SCN11A: variants seen among roughly 807,000 people sequenced by gnomAD.
SCN11A encodes sodium voltage-gated channel alpha subunit 11, also known as sodium channel protein type 11 subunit alpha.
In SCN11A, 122 loss-of-function variants were observed where a neutral mutation model predicts 162.2. The ratio of observed to expected loss-of-function variants is 0.75; its 90% CI spans 0.65 to 0.87. SCN11A has a LOEUF of 0.87. Ranked by LOEUF, SCN11A falls within the 40% of genes least tolerant of loss-of-function variation. SCN11A has a pLI of 0.00. For synonymous variants in SCN11A, 758 were observed against 751.5 expected, an observed-to-expected ratio of 1.01 and a Z score of -0.14; for missense variants, 2,015 against 2,181.6, an observed-to-expected ratio of 0.92 and a Z score of 1.52.
chr3:39,007,102 C>G (rs1479618026), intron 2 of SCN11A, among the ~76,000 whole-genome samples: 1 of 151,952 alleles, frequency 6.6e-6, no homozygotes, highest in Admixed American at 6.6e-5. Context: ...ATTAAAAAGA[C>G]CTAGGAAATG....
chr3:38,996,948 T>C (rs574069148), intron 2 of SCN11A, among the ~76,000 whole-genome samples: 1 of 152,170 alleles, frequency 6.6e-6, no homozygotes, highest in African/African-American at 2.4e-5. Context: ...GCCAATCACA[T>C]CTTACTACTT....
At chr3:38,914,339 G>C (rs1486710444) in intron 11 of SCN11A, among the ~76,000 whole-genome samples, 1 of 152,138 alleles carries the variant, frequency 6.6e-6, no homozygotes, top group Non-Finnish European at 1.5e-5. Flanking sequence ...CATTGATTTT[G>C]TGTCTTGAAA....
chr3:38,990,690 T>C (rs986109106), intron 2 of SCN11A, among the ~76,000 whole-genome samples: 2 of 152,130 alleles, frequency 1.3e-5, no homozygotes, highest in Non-Finnish European at 2.9e-5. Context: ...CTTTAACACA[T>C]TCATTCCTCC....
chr3:38,855,788 G>A (rs957885622), intron 28 of SCN11A, among the ~76,000 whole-genome samples: 1 of 152,170 alleles, frequency 6.6e-6, no homozygotes, highest in African/African-American at 2.4e-5. Context: ...TGTATCTACA[G>A]CCAAGGACTC....
intron 15 of SCN11A, 82 bp from the exon 16 acceptor site, chr3:38,904,185 C>T (rs1265728295): frequency 5.9e-6 from 5 of 842,984 alleles, no homozygotes; most frequent in Non-Finnish European, 9.1e-6. Flanking sequence ...TCCTTCCTCC[C>T]TCTTCCCCAG....
At chr3:38,895,010 G>A in intron 18 of SCN11A, 46 bp from the exon 19 acceptor site, 3 of 1,526,936 alleles carry the variant, frequency 2.0e-6, no homozygotes, top group South Asian at 1.3e-5. Context: ...TTTAGCAAAG[G>A]AAAAGATATA....
intron 2 of SCN11A, among the ~76,000 whole-genome samples, chr3:38,970,351 G>A (rs2066809545): frequency 6.6e-6 from 1 of 152,002 alleles, no homozygotes; most frequent in African/African-American, 2.4e-5. Context: ...ATCTCATCAA[G>A]CAATTTACCT....
At chr3:38,930,307 G>C (rs2066221716) in intron 7 of SCN11A, among the ~76,000 whole-genome samples, 1 of 152,200 alleles carries the variant, frequency 6.6e-6, no homozygotes, top group South Asian at 2.1e-4. Context: ...GCTGCTACAG[G>C]CAAGAGCTCC....
At chr3:39,015,060 C>T (rs2031252554) in intron 2 of SCN11A, among the ~76,000 whole-genome samples, 1 of 152,206 alleles carries the variant, frequency 6.6e-6, no homozygotes, top group African/African-American at 2.4e-5. Context: ...TTACTCTCCA[C>T]AACTCATGTT....
chr3:38,943,004 G>A (rs981059922), intron 7 of SCN11A, among the ~76,000 whole-genome samples: 1 of 151,988 alleles, frequency 6.6e-6, no homozygotes. Context: ...ATCCACAAAA[G>A]ATTTTTATAC....
intron 7 of SCN11A, among the ~76,000 whole-genome samples, chr3:38,940,785 C>T (rs1300303031): frequency 2.0e-5 from 3 of 151,916 alleles, no homozygotes; most frequent in Admixed American, 6.6e-5. Flanking sequence ...TCAAAATCCA[C>T]GGGCATAGAG....
In SCN11A at chr3:38,946,622, C is replaced by T. The variant is rs73828725; in HGVS notation, c.386+167G>A. Among the ~76,000 whole-genome samples, 2,428 of 152,296 alleles carry T rather than the reference C, an allele frequency of 0.016. 68 individuals carry two copies. The highest frequency in any genetic ancestry group is 0.056 in the African/African-American group (2,329 of 41,542). Reference sequence around the variant, plus strand: ...GGCCATAGGACCCCAGAGAAGGAGACGACATCTTGCTCACATCCAGCACAG... The same window carrying T: ...GGCCATAGGACCCCAGAGAAGGAGATGACATCTTGCTCACATCCAGCACAG... On this transcript the variant is annotated intron_variant, in intron 6 of 29. Transcript: ENST00000302328.
chr3:39,037,039 C>A (rs1211730288), intron 1 of SCN11A, among the ~76,000 whole-genome samples: 4 of 152,188 alleles, frequency 2.6e-5, no homozygotes, highest in African/African-American at 9.7e-5. Context: ...TTTATTGCAG[C>A]TCTACTCATA....
chr3:39,049,656 G>A (rs1043428530), intron 1 of SCN11A, among the ~76,000 whole-genome samples: 2 of 152,192 alleles, frequency 1.3e-5, no homozygotes, highest in Non-Finnish European at 2.9e-5. Flanking sequence ...TGTTGCCATT[G>A]CCATTGCCAT....
Position 38,885,342 on chromosome 3 carries a change from C to G in SCN11A, c.3010G>C (p.Gly1004Arg). 4.3e-6 allele frequency: 7 copies of G among 1,613,764 alleles called. No homozygotes were observed. The highest frequency in any genetic ancestry group is 5.9e-6 in the Non-Finnish European group (7 of 1,179,656). The change falls in exon 21 of 30, where the codon GGA becomes CGA. Residue 1004 changes from glycine (G) to arginine (R), a missense_variant. Gly to Arg is a moderately radical substitution (Grantham distance 125, BLOSUM62 -2). Coordinates refer to ENST00000302328, the MANE Select transcript of SCN11A (RefSeq NM_001349253.2). ...CSTIDLQDGFGWLPEMVPKKQ... is the reference protein window; with the variant it reads ...CSTIDLQDGFRWLPEMVPKKQ... The stretch of plus-strand genomic sequence containing the variant: ...TTGGGAACCATCTCAGGTAACCATC[C>G]AAAGCCATCCTGAAGATCAATGGTG...
chr3:38,954,890 G>T (rs367813380), intron 3 of SCN11A, among the ~76,000 whole-genome samples: 11 of 152,246 alleles, frequency 7.2e-5, no homozygotes, highest in African/African-American at 2.4e-4. Flanking sequence ...TCGGGAGGCT[G>T]AGCAGGAGAA....
intron 9 of SCN11A, among the ~76,000 whole-genome samples, chr3:38,924,520 T>C (rs1280365132): frequency 6.6e-6 from 1 of 152,032 alleles, no homozygotes; most frequent in Non-Finnish European, 1.5e-5. Context: ...ATTACAGGCA[T>C]GCACCACCAC....
chr3:39,013,050 T>C (rs1456014307), intron 2 of SCN11A, among the ~76,000 whole-genome samples: 2 of 152,206 alleles, frequency 1.3e-5, no homozygotes, highest in Non-Finnish European at 2.9e-5. Flanking sequence ...AGATAAATGC[T>C]TGATGAGCTG....
At chr3:38,865,732 T>C (rs13080116) in intron 27 of SCN11A, among the ~76,000 whole-genome samples, 34,811 of 151,950 alleles carry the variant, frequency 0.23, 4,118 homozygotes, top group Non-Finnish European at 0.25. Flanking sequence ...TATATAAAAA[T>C]GCAATCTCAG....
Sources: allele counts gnomAD v4.1 joint callset (sites outside exome capture counted in the v4.1 genomes callset), GRCh38; gene constraint gnomAD v4.1.1; transcripts MANE v1.5; gene names NCBI Gene and HGNC (gene_info 2026-07-23, HGNC 2026-07-21).